Variants in KDM6A observed in about 807,000 individuals in gnomAD.
The protein encoded by KDM6A is lysine-specific demethylase 6A.
KDM6A carries 11 observed loss-of-function variants against 117.6 expected under a neutral mutation model. That is an observed-to-expected ratio of 0.09 (90% CI 0.06 to 0.15). The LOEUF (loss-of-function observed/expected upper bound fraction) is 0.15. KDM6A is among the 10% of genes least tolerant of loss of function. KDM6A has a pLI of 1.00. For synonymous variants in KDM6A, 384 were observed against 396.1 expected (o/e 0.97, Z 0.36); for missense variants, 799 against 1,077.3 (o/e 0.74, Z 3.62).
At chrX:45,016,274 A>AAT (rs2041954817) in intron 5 of KDM6A, among the ~76,000 whole-genome samples, 2 of 111,004 alleles carry the variant, frequency 1.8e-5, no homozygotes, top group African/African-American at 3.3e-5. Flanking sequence ...TAAATTTCCT[A>AAT]ATATATATGT....
chrX:45,035,581 G>C (rs751322780), intron 7 of KDM6A, among the ~76,000 whole-genome samples: 80 of 111,244 alleles, frequency 7.2e-4, no homozygotes, highest in African/African-American at 2.4e-3. Context: ...TTATCGATAT[G>C]TATTTAGGTA....
At chrX:44,918,297 G>A (rs1388375538) in intron 2 of KDM6A, among the ~76,000 whole-genome samples, 2 of 111,407 alleles carry the variant, frequency 1.8e-5, no homozygotes, top group African/African-American at 6.5e-5. Context: ...GACAGCTCAA[G>A]TTTCTTTTGG....
Position 45,107,461 on chromosome X carries a change from C to T in KDM6A, c.4086C>T (p.Leu1362=), listed in dbSNP as rs773295159. ...AATGTCAGACATTGAGGGAAGCTCTCATTGCTGCAGGAAAAGAGATTATAT... is the reference window on the plus strand; with the variant it reads ...AATGTCAGACATTGAGGGAAGCTCTTATTGCTGCAGGAAAAGAGATTATAT... ...LKQCQTLREA[L]IAAGKEIIWH... is the part of the protein sequence containing the mutation. The change falls in exon 28 of 30, where the codon CTC becomes CTT. Residue 1362 remains leucine, a synonymous_variant. Transcript: ENST00000611820. The T allele has an allele frequency of 3.3e-6, 4 of 1,208,375 alleles. No individual in the cohort carries two copies. The East Asian group carries it at 1.2e-4, about 36-fold the overall frequency.
intron 17 of KDM6A, among the ~76,000 whole-genome samples, chrX:45,068,775 T>TCTCC (rs2044664254): frequency 9.4e-6 from 1 of 106,369 alleles, no homozygotes; most frequent in Non-Finnish European, 1.9e-5. Context: ...CTCCCTCCTC[T>TCTCC]CTCCTCTCTC....
chrX:44,892,374 C>T (rs1474713210), intron 2 of KDM6A, among the ~76,000 whole-genome samples: 1 of 111,300 alleles, frequency 9.0e-6, no homozygotes, highest in East Asian at 2.8e-4. Context: ...GCCTGGCTAA[C>T]AGTGGAACCC....
rs2147774880 is a variant in KDM6A at position 45,034,789 on chromosome X, T to G, written c.565-142T>G. The G allele has an allele frequency of 5.9e-6, 3 of 506,629 alleles. No homozygotes were observed. In the East Asian group the frequency reaches 1.1e-4, roughly 18 times the overall value. 41.8% of individuals were successfully genotyped at this position (506,629 alleles called of 1,213,427 possible). On this transcript the variant is annotated intron_variant, in intron 6 of 29. Coordinates refer to ENST00000611820, the MANE Select transcript of KDM6A (RefSeq NM_001291415.2). ...TGTCAGCAGTAAATGTTCAAAGTAT[T>G]TCTAGTTGGTAGGCTAGTGTATTTT... is the stretch of plus-strand genomic sequence containing the variant.
intron 2 of KDM6A, among the ~76,000 whole-genome samples, chrX:44,959,002 G>A (rs2038524265): frequency 9.0e-6 from 1 of 111,149 alleles, no homozygotes; most frequent in African/African-American, 3.3e-5. Context: ...TCTTTAAAAA[G>A]TGTGTTAGAT....
intron 4 of KDM6A, among the ~76,000 whole-genome samples, chrX:45,005,976 CCACCCCCCACCA>C: frequency 1.7e-5 from 1 of 60,495 alleles, no homozygotes; most frequent in East Asian, 6.9e-4. Flanking sequence ...CCCACCCCCC[CCACCCCCCACCA>C]CCCACCACCC....
intron 2 of KDM6A, among the ~76,000 whole-genome samples, chrX:44,950,847 CT>C (rs1186982639): frequency 3.8e-5 from 4 of 105,486 alleles, no homozygotes; most frequent in African/African-American, 3.4e-5. Flanking sequence ...CCTTTTTCTC[CT>C]TTTTTTTTTC....
In KDM6A at chrX:44,967,006, A is replaced by G. The variant is rs779983998; in HGVS notation, c.334+5614A>G. ...TGCCTTAGCCTCCCGAGTAGCTGGG[A>G]CTACAGGCGCCCGCCACCACGCCCG... is the stretch of plus-strand genomic sequence containing the variant. On this transcript the variant is annotated intron_variant, in intron 3 of 29. Transcript: ENST00000611820. 4.5e-3 allele frequency among the ~76,000 whole-genome samples: 490 copies of G among 108,406 alleles called. 8 individuals carry two copies. The highest frequency in any genetic ancestry group is 0.013 in the African/African-American group (398 of 29,560). The allele number at this position is 108,406 out of a possible 115,157, so 94.1% of individuals were successfully genotyped here.
At chrX:44,974,333 C>T (rs774548333) in intron 3 of KDM6A, among the ~76,000 whole-genome samples, 2 of 111,124 alleles carry the variant, frequency 1.8e-5, no homozygotes, top group Admixed American at 9.7e-5. Flanking sequence ...TCTAGCTGAT[C>T]AGAAAAATAT....
chrX:44,907,692 C>T (rs1451884949), intron 2 of KDM6A, among the ~76,000 whole-genome samples: 1 of 107,099 alleles, frequency 9.3e-6, no homozygotes, highest in Non-Finnish European at 1.9e-5. Context: ...AAGTGATCCA[C>T]CCGTCTTGGC....
At chrX:45,057,404 C>A (rs1326970575) in intron 10 of KDM6A, among the ~76,000 whole-genome samples, 1 of 111,424 alleles carries the variant, frequency 9.0e-6, no homozygotes, top group Non-Finnish European at 1.9e-5. Flanking sequence ...ATCAATTAAT[C>A]ACAAAGCCTT....
At chrX:45,051,856 C>A (rs2147917851) in intron 9 of KDM6A, 54 bp downstream of exon 9, 1 of 706,220 alleles carries the variant, frequency 1.4e-6, no homozygotes, top group Non-Finnish European at 2.2e-6. Context: ...TATGTTTTTT[C>A]CATGTCGAGT....
At position 45,010,942 on chromosome X, in the gene KDM6A, T is replaced by A; in HGVS notation, c.385-19T>A. 8.6e-7 allele frequency: 1 copy of A among 1,163,546 alleles called. No individual in the cohort carries two copies. Among genetic ancestry groups the A allele is most frequent in the Non-Finnish European group, 1.2e-6 (1 of 853,353 alleles). On this transcript the variant is annotated intron_variant, in intron 4 of 29. Transcript: ENST00000611820. ...GATACAAGTATTTTTCCTAAAAATC[T>A]TTTTCCCTTCCTTTACAGAATGCTG...
In KDM6A at chrX:44,892,366, C is replaced by G. The variant is rs746419302; in HGVS notation, c.225+18379C>G. Among the ~76,000 whole-genome samples the G allele has an allele frequency of 2.5e-4, 28 of 111,352 alleles. No individual in the cohort carries two copies. In the South Asian group the frequency reaches 8.3e-3, roughly 33 times the overall value. ...TTAGGGTCAGGAGTTTGAGACCAGC[C>G]TGGCTAACAGTGGAACCCTGTCTCT... On this transcript the variant is annotated intron_variant, in intron 2 of 29. Coordinates refer to ENST00000611820, the MANE Select transcript of KDM6A (RefSeq NM_001291415.2).
intron 4 of KDM6A, among the ~76,000 whole-genome samples, chrX:44,980,630 A>G (rs902637996): frequency 9.7e-6 from 1 of 103,298 alleles, no homozygotes. Flanking sequence ...GCTATTATAT[A>G]GGAACATTTA....
At position 45,070,262 on chromosome X, in the gene KDM6A, TCTG is replaced by T. The variant is rs767929974; in HGVS notation, c.2766_2768del (p.Leu924del). On this transcript the variant is annotated inframe_deletion, in exon 18 of 30. Transcript: ENST00000611820. ...AATCTCAGAGCCCCATGAAAACAGA[TCTG>T]CTTCTGGTTAACCACAAACCTAGTC... The T allele has an allele frequency of 1.7e-5, 20 of 1,208,285 alleles. No individual in the cohort carries two copies. The highest frequency in any genetic ancestry group is 2.1e-5 in the Non-Finnish European group (19 of 893,737).
At chrX:44,897,181 TGACATAA>T (rs1406398067) in intron 2 of KDM6A, among the ~76,000 whole-genome samples, 2 of 106,041 alleles carry the variant, frequency 1.9e-5, no homozygotes, top group Non-Finnish European at 1.9e-5. Context: ...TTGTTTAGAT[TGACATAA>T]TTCTACTGAT....
Sources: allele counts gnomAD v4.1 joint callset (sites outside exome capture counted in the v4.1 genomes callset), GRCh38; gene constraint gnomAD v4.1.1; transcripts MANE v1.5; gene names NCBI Gene and HGNC (gene_info 2026-07-23, HGNC 2026-07-21).